Variants in PTPRR observed in about 807,000 individuals in gnomAD.
PTPRR encodes the protein protein tyrosine phosphatase receptor type R.
Under a neutral mutation model 77.2 loss-of-function variants are expected in PTPRR, and 38 were observed. That is an observed-to-expected ratio of 0.49 (90% confidence interval 0.38 to 0.65). The LOEUF is 0.65. PTPRR is among the 30% of genes least tolerant of loss of function. The pLI is 0.00. For synonymous variants in PTPRR, 299 were observed against 283.1 expected (o/e 1.06, Z -0.57); for missense variants, 744 against 799.2 (o/e 0.93, Z 0.83).
intron 2 of PTPRR, among the ~76,000 whole-genome samples, chr12:70,852,505 CAA>C (rs1374138722): frequency 6.6e-6 from 1 of 152,082 alleles, no homozygotes; most frequent in Non-Finnish European, 1.5e-5. Flanking sequence ...TGATTATTAT[CAA>C]AGTAATCAGC....
intron 6 of PTPRR, among the ~76,000 whole-genome samples, chr12:70,706,328 A>G (rs575529003): frequency 1.3e-5 from 2 of 152,108 alleles, no homozygotes; most frequent in Non-Finnish European, 2.9e-5. Flanking sequence ...AAATTGTGAC[A>G]TAAATGGAGT....
intron 13 of PTPRR, among the ~76,000 whole-genome samples, chr12:70,650,068 G>T (rs1424900906): frequency 6.6e-6 from 1 of 152,146 alleles, no homozygotes; most frequent in Non-Finnish European, 1.5e-5. Context: ...AAAATTAAAG[G>T]AGTTTCTACA....
chr12:70,762,418 G>A (rs1243334814), intron 3 of PTPRR, among the ~76,000 whole-genome samples: 1 of 152,098 alleles, frequency 6.6e-6, no homozygotes, highest in Non-Finnish European at 1.5e-5. Flanking sequence ...CACATGGAGA[G>A]CTCTCATGCT....
chr12:70,883,628 C>A (rs1312524618), intron 2 of PTPRR, among the ~76,000 whole-genome samples: 1 of 152,082 alleles, frequency 6.6e-6, no homozygotes, highest in African/African-American at 2.4e-5. Context: ...TCGTGCTTTT[C>A]ATTTTTTGAG....
intron 2 of PTPRR, among the ~76,000 whole-genome samples, chr12:70,773,969 G>A (rs1237243251): frequency 6.6e-6 from 1 of 152,152 alleles, no homozygotes; most frequent in Non-Finnish European, 1.5e-5. Context: ...CACAATATAC[G>A]CATCTACCTG....
intron 2 of PTPRR, among the ~76,000 whole-genome samples, chr12:70,767,111 G>A (rs1247625500): frequency 6.6e-6 from 1 of 151,674 alleles, no homozygotes; most frequent in Non-Finnish European, 1.5e-5. Context: ...ATCAACTAAT[G>A]AGCAAAATAA....
chr12:70,766,568 G>A lies in PTPRR; in HGVS notation c.358-1790C>T, dbSNP rs543217908. 6.5e-4 allele frequency among the ~76,000 whole-genome samples: 99 copies of A among 152,046 alleles called. 1 individual carries two copies. The highest frequency in any genetic ancestry group is 2.3e-3 in the African/African-American group (95 of 41,366). Reference sequence around the variant, plus strand: ...GTACTTGAACGTGACGGGGAGAATGGAACCAAGTTGGAAAACACTCTGCAG... The same window carrying A: ...GTACTTGAACGTGACGGGGAGAATGAAACCAAGTTGGAAAACACTCTGCAG... On this transcript the variant is annotated intron_variant, in intron 2 of 13. Coordinates refer to ENST00000283228, the MANE Select transcript of PTPRR (RefSeq NM_002849.4).
At chr12:70,678,718 A>G (rs188776990) in intron 10 of PTPRR, among the ~76,000 whole-genome samples, 4 of 151,872 alleles carry the variant, frequency 2.6e-5, no homozygotes, top group Admixed American at 6.6e-5. Flanking sequence ...CTGTCTCCCA[A>G]CTGCCCAAGA....
In PTPRR at chr12:70,821,213, C is replaced by CTTTTTTTTTTTTTT. The variant is rs61539990; in HGVS notation, c.358-56449_358-56436dup. Among the ~76,000 whole-genome samples, 277 of 31,988 alleles carry CTTTTTTTTTTTTTT rather than the reference C, an allele frequency of 8.7e-3. 64 individuals are homozygous for CTTTTTTTTTTTTTT. The highest frequency in any genetic ancestry group is 0.013 in the Non-Finnish European group (211 of 16,356). The allele number at this position is 31,988 out of a possible 152,430, so 21.0% of individuals were successfully genotyped here. The stretch of plus-strand genomic sequence containing the variant: ...CAAAACATGTTGAAAGGGATCACTG[C>CTTTTTTTTTTTTTT]TTTTTTTTTTTTTTTTTTTTTTTTT... On this transcript the variant is annotated intron_variant, in intron 2 of 13. Transcript: ENST00000283228.
intron 13 of PTPRR, among the ~76,000 whole-genome samples, chr12:70,646,472 T>C (rs1443333796): frequency 6.6e-6 from 1 of 152,184 alleles, no homozygotes; most frequent in Non-Finnish European, 1.5e-5. Flanking sequence ...CATTTTTTTT[T>C]CCTCTGAAAA....
chr12:70,654,471 G>T (rs570874294), intron 13 of PTPRR, among the ~76,000 whole-genome samples: 1 of 152,086 alleles, frequency 6.6e-6, no homozygotes, highest in Non-Finnish European at 1.5e-5. Context: ...GGAGGTCAAG[G>T]CTGCAGTGGG....
At chr12:70,677,011 T>C (rs1887474783) in intron 10 of PTPRR, among the ~76,000 whole-genome samples, 1 of 152,254 alleles carries the variant, frequency 6.6e-6, no homozygotes, top group Admixed American at 6.5e-5. Context: ...TAGCGTAGTA[T>C]GGACATTTTA....
intron 1 of PTPRR, among the ~76,000 whole-genome samples, chr12:70,912,832 AAT>A (rs1893719248): frequency 6.6e-6 from 1 of 152,162 alleles, no homozygotes; most frequent in African/African-American, 2.4e-5. Flanking sequence ...ATCTTAAAAT[AAT>A]ATTTTAGCAT....
chr12:70,802,803 G>A (rs972660421), intron 2 of PTPRR, among the ~76,000 whole-genome samples: 2 of 152,084 alleles, frequency 1.3e-5, no homozygotes, highest in Non-Finnish European at 2.9e-5. Flanking sequence ...ATGATTCTGT[G>A]AGACTATAAA....
At chr12:70,753,290 G>C (rs1890459921) in intron 5 of PTPRR, among the ~76,000 whole-genome samples, 2 of 152,214 alleles carry the variant, frequency 1.3e-5, no homozygotes, top group East Asian at 3.9e-4. Context: ...AAAACACTTA[G>C]CAACATTGTT....
chr12:70,718,348 C>T (rs1433707787), intron 6 of PTPRR, among the ~76,000 whole-genome samples: 1 of 151,844 alleles, frequency 6.6e-6, no homozygotes, highest in African/African-American at 2.4e-5. Flanking sequence ...TCACTGCAAT[C>T]GCTGCCTCCT....
intron 2 of PTPRR, among the ~76,000 whole-genome samples, chr12:70,795,913 ATT>A (rs71437157): frequency 0.011 from 1,000 of 87,954 alleles, 19 homozygotes; most frequent in African/African-American, 0.037. Flanking sequence ...TATTTAGTAG[ATT>A]TTTTTTTTTT....
intron 2 of PTPRR, among the ~76,000 whole-genome samples, chr12:70,891,002 G>A (rs1333724145): frequency 6.6e-6 from 1 of 152,052 alleles, no homozygotes; most frequent in Non-Finnish European, 1.5e-5. Context: ...ATGCACATAA[G>A]TAATCTAAGT....
rs528176364 is a variant in PTPRR, at chr12:70,760,450, G to A, written c.627+1021C>T. 5.0e-4 allele frequency among the ~76,000 whole-genome samples: 76 copies of A among 152,256 alleles called. No individual in the cohort carries two copies. In the South Asian group the frequency reaches 0.013, roughly 27 times the overall value. On this transcript the variant is annotated intron_variant, in intron 4 of 13. Coordinates refer to ENST00000283228, the MANE Select transcript of PTPRR (RefSeq NM_002849.4). The stretch of plus-strand genomic sequence containing the variant: ...TACCACACCTGTGATACTAAAATGA[G>A]AGGCAGTGTGATTTACTGTAAAGGT...
Sources: gnomAD v4.1 joint callset for allele counts (sites outside exome capture counted in the v4.1 genomes callset) on GRCh38, gnomAD v4.1.1 for gene constraint, MANE v1.5 for transcripts, NCBI Gene and HGNC (gene_info 2026-07-23, HGNC 2026-07-21) for gene names.